Variants in FARS2 observed in about 807,000 individuals in gnomAD.
The protein encoded by FARS2 is phenylalanyl-tRNA synthetase 2, mitochondrial.
In FARS2, 40 loss-of-function variants were observed where a neutral mutation model predicts 46.4. The ratio of observed to expected loss-of-function variants is 0.86; its 90% CI spans 0.67 to 1.12. The LOEUF (loss-of-function observed/expected upper bound fraction) is 1.12. Ranked by LOEUF, FARS2 falls within the 50% of genes most tolerant of loss-of-function variation. The probability of loss-of-function intolerance (pLI) is 0.00; values close to 1 mark genes in which losing one functional copy is unlikely to be tolerated. For missense variants in FARS2, 513 were observed against 567.9 expected, an observed-to-expected ratio of 0.90 and a Z score of 0.98; for synonymous variants, 234 against 214.9, an observed-to-expected ratio of 1.09 and a Z score of -0.78.
intron 4 of FARS2, among the ~76,000 whole-genome samples, chr6:5,468,979 T>C (rs546948286): frequency 1.3e-5 from 2 of 152,330 alleles, no homozygotes; most frequent in African/African-American, 4.8e-5. Flanking sequence ...CCAGCTGTTA[T>C]GTGACGGGTA....
chr6:5,642,624 C>A (rs77321769), intron 6 of FARS2, among the ~76,000 whole-genome samples: 5 of 147,560 alleles, frequency 3.4e-5, no homozygotes, highest in Non-Finnish European at 7.5e-5. Flanking sequence ...TTTTAAATGT[C>A]AAAAAAAAAA....
intron 6 of FARS2, among the ~76,000 whole-genome samples, chr6:5,622,677 A>C (rs1408691692): frequency 1.3e-5 from 2 of 152,214 alleles, no homozygotes; most frequent in African/African-American, 2.4e-5. Context: ...AAGAGGAGCC[A>C]ACTATGAAGT....
intron 3 of FARS2, among the ~76,000 whole-genome samples, chr6:5,429,827 A>C (rs931334035): frequency 2.0e-5 from 3 of 152,126 alleles, no homozygotes; most frequent in Non-Finnish European, 4.4e-5. Context: ...CACAAAACAA[A>C]AAAACAACAA....
At chr6:5,290,834 C>T (rs762386491) in intron 1 of FARS2, among the ~76,000 whole-genome samples, 1 of 152,246 alleles carries the variant, frequency 6.6e-6, no homozygotes, top group African/African-American at 2.4e-5. Context: ...CACCTCCCAC[C>T]TCAGCTTCTC....
At chr6:5,687,709 A>C (rs1387115395) in intron 6 of FARS2, among the ~76,000 whole-genome samples, 1 of 152,116 alleles carries the variant, frequency 6.6e-6, no homozygotes. Flanking sequence ...TATGAACTTT[A>C]AAGTAGTTTT....
chr6:5,429,206 A>G (rs183776335), intron 3 of FARS2, among the ~76,000 whole-genome samples: 2 of 152,276 alleles, frequency 1.3e-5, no homozygotes, highest in African/African-American at 2.4e-5. Flanking sequence ...CTGTGTCAAC[A>G]TTTGTCACAT....
intron 1 of FARS2, among the ~76,000 whole-genome samples, chr6:5,290,156 C>A (rs1767402467): frequency 6.6e-6 from 1 of 152,134 alleles, no homozygotes. Flanking sequence ...ATTTTGATAT[C>A]CATACCCTTC....
At chr6:5,447,800 G>A (rs1290063613) in intron 4 of FARS2, among the ~76,000 whole-genome samples, 1 of 152,210 alleles carries the variant, frequency 6.6e-6, no homozygotes, top group African/African-American at 2.4e-5. Context: ...AAGTGAAGAT[G>A]AACAAGGCAC....
intron 6 of FARS2, among the ~76,000 whole-genome samples, chr6:5,681,021 T>A (rs1418930111): frequency 6.6e-6 from 1 of 152,238 alleles, no homozygotes. Flanking sequence ...ATCGCCCTCA[T>A]AGAAGGCCGT....
At chr6:5,270,891 T>C (rs1765898337) in intron 1 of FARS2, among the ~76,000 whole-genome samples, 1 of 152,216 alleles carries the variant, frequency 6.6e-6, no homozygotes, top group Non-Finnish European at 1.5e-5. Context: ...GTGCCCTTCC[T>C]TCCCTTGCTA....
chr6:5,485,151 GA>G (rs1235361581), intron 4 of FARS2, among the ~76,000 whole-genome samples: 1 of 152,120 alleles, frequency 6.6e-6, no homozygotes, highest in Non-Finnish European at 1.5e-5. Context: ...AGCTTCTACA[GA>G]AATTTTGTTT....
chr6:5,320,761 T>G lies in FARS2; in HGVS notation c.-21-47789T>G, dbSNP rs531589073. 6.6e-5 allele frequency among the ~76,000 whole-genome samples: 10 copies of G among 152,324 alleles called. No homozygotes were observed. The East Asian group carries it at 1.9e-3, about 29-fold the overall frequency. On this transcript the variant is annotated intron_variant, in intron 1 of 6. Coordinates refer to ENST00000274680, the MANE Select transcript of FARS2 (RefSeq NM_006567.5). Reference sequence around the variant, plus strand: ...TGGCAGCAGCATAACATGAGTGGCTTTTGAACAACAGAAATTTGTTTCTCA... The same window carrying G: ...TGGCAGCAGCATAACATGAGTGGCTGTTGAACAACAGAAATTTGTTTCTCA...
intron 1 of FARS2, among the ~76,000 whole-genome samples, chr6:5,297,341 A>T (rs1767961271): frequency 6.6e-6 from 1 of 152,134 alleles, no homozygotes; most frequent in South Asian, 2.1e-4. Flanking sequence ...TTTAAATAAA[A>T]ATTCTCTTTA....
chr6:5,571,493 A>T (rs1270244201), intron 5 of FARS2, among the ~76,000 whole-genome samples: 1 of 152,184 alleles, frequency 6.6e-6, no homozygotes, highest in Admixed American at 6.5e-5. Context: ...CACAACTAGG[A>T]CCTTCATTAG....
At position 5,586,855 on chromosome 6, in the gene FARS2, G is replaced by C. The variant is rs1414978959; in HGVS notation, c.1066-26314G>C. Among the ~76,000 whole-genome samples, 4 of 152,162 alleles carry C rather than the reference G, an allele frequency of 2.6e-5. No individual in the cohort carries two copies. In the East Asian group the frequency reaches 5.8e-4, roughly 22 times the overall value. Reference sequence around the variant, plus strand: ...TGACACTTAGGATTGGCTTTTTGGTGTACTAAAGTCCTTGTAATCCTGATA... The same window carrying C: ...TGACACTTAGGATTGGCTTTTTGGTCTACTAAAGTCCTTGTAATCCTGATA... On this transcript the variant is annotated intron_variant, in intron 5 of 6. Transcript: ENST00000274680.
At chr6:5,463,163 A>G (rs569303139) in intron 4 of FARS2, among the ~76,000 whole-genome samples, 1 of 152,344 alleles carries the variant, frequency 6.6e-6, no homozygotes, top group Admixed American at 6.5e-5. Flanking sequence ...TTTTTAGAGT[A>G]CAAGTCTTGC....
intron 1 of FARS2, among the ~76,000 whole-genome samples, chr6:5,349,272 A>G (rs1206967382): frequency 6.6e-6 from 1 of 152,230 alleles, no homozygotes; most frequent in Admixed American, 6.5e-5. Flanking sequence ...TATAAATTTA[A>G]CAAAACATAT....
chr6:5,753,051 T>TATATGAGATAGTC (rs560001145), intron 6 of FARS2, among the ~76,000 whole-genome samples: 126 of 152,282 alleles, frequency 8.3e-4, no homozygotes, highest in African/African-American at 2.9e-3. Flanking sequence ...GTTTGAGAAG[T>TATATGAGATAGTC]ATATGAGATA....
intron 1 of FARS2, among the ~76,000 whole-genome samples, chr6:5,320,293 T>A (rs1769876122): frequency 6.6e-6 from 1 of 152,108 alleles, no homozygotes; most frequent in Non-Finnish European, 1.5e-5. Flanking sequence ...TCCAGAGAGA[T>A]CAACACAAGC....
Sources: allele counts gnomAD v4.1 joint callset (sites outside exome capture counted in the v4.1 genomes callset), GRCh38; gene constraint gnomAD v4.1.1; transcripts MANE v1.5; gene names NCBI Gene and HGNC (gene_info 2026-07-23, HGNC 2026-07-21).